The following KCNK10 variants were observed in gnomAD, a reference collection of about 807,000 sequenced individuals.
KCNK10 encodes potassium two pore domain channel subfamily K member 10, also known as potassium channel subfamily K member 10.
Under a neutral mutation model 47.7 loss-of-function variants are expected in KCNK10, and 25 were observed. The observed-to-expected ratio is 0.52, with a 90% CI of 0.38 to 0.73. The LOEUF (loss-of-function observed/expected upper bound fraction) is 0.73. Ranked by LOEUF, KCNK10 falls within the 30% of genes least tolerant of loss-of-function variation. The pLI is 0.00. For missense variants in KCNK10, 563 were observed against 714.5 expected (o/e 0.79, Z 2.42); for synonymous variants, 303 against 285.6 (o/e 1.06, Z -0.61).
In KCNK10 at chr14:88,183,462, T is replaced by C. The variant is rs1216831413; in HGVS notation, c.*2073A>G. 6.6e-6 allele frequency: 1 copy of C among 152,406 alleles called. No individual in the cohort carries two copies. The highest frequency in any genetic ancestry group is 6.5e-5 in the Admixed American group (1 of 15,294). The allele number at this position is 152,406 out of a possible 1,614,324, so 9.4% of individuals were successfully genotyped here. A position where few individuals can be genotyped will look rare whatever the true frequency, so the allele number is the denominator to read the frequency against. ...ATTAGGAAGCTTCGACTTGTTAGAATAACAGAGGAAGTCCCAGTTATCTAC... is the reference window on the plus strand; with the variant it reads ...ATTAGGAAGCTTCGACTTGTTAGAACAACAGAGGAAGTCCCAGTTATCTAC... On this transcript the variant is annotated 3_prime_UTR_variant, in exon 7 of 7. Coordinates refer to ENST00000319231, the MANE Select transcript of KCNK10 (RefSeq NM_138317.3).
At chr14:88,231,076 A>T (rs1392762253) in intron 3 of KCNK10, among the ~76,000 whole-genome samples, 1 of 152,032 alleles carries the variant, frequency 6.6e-6, no homozygotes, top group East Asian at 1.9e-4. Flanking sequence ...GGAATTTGAG[A>T]CCAGCCTGAA....
At chr14:88,318,151 G>A (rs978748584) in intron 1 of KCNK10, among the ~76,000 whole-genome samples, 1 of 152,236 alleles carries the variant, frequency 6.6e-6, no homozygotes, top group Non-Finnish European at 1.5e-5. Flanking sequence ...TTTCTGATAT[G>A]CCACTATTTG....
chr14:88,270,426 C>T (rs2139762177), intron 1 of KCNK10, among the ~76,000 whole-genome samples: 1 of 152,252 alleles, frequency 6.6e-6, no homozygotes, highest in South Asian at 2.1e-4. Context: ...ACCTTAAAGG[C>T]AATCAAGCTG....
chr14:88,199,356 G>A (rs546353508), intron 4 of KCNK10, among the ~76,000 whole-genome samples: 43 of 152,242 alleles, frequency 2.8e-4, no homozygotes, highest in Admixed American at 1.8e-3. Flanking sequence ...ATGTTCACCC[G>A]GAAGGAAGAC....
At position 88,285,116 on chromosome 14, in the gene KCNK10, G is replaced by C. The variant is rs1003542986; in HGVS notation, c.53-21565C>G. 3.3e-5 allele frequency among the ~76,000 whole-genome samples: 5 copies of C among 152,176 alleles called. No homozygotes were observed. The South Asian group carries it at 1.0e-3, about 32-fold the overall frequency. On this transcript the variant is annotated intron_variant, in intron 1 of 6. Transcript: ENST00000319231. ...GTCTTGTTTTAAATAGTGTTTGTTT[G>C]TTTGTTTGTTTTTGAGGTGGAGTCT...
At chr14:88,316,139 C>G (rs1007108775) in intron 1 of KCNK10, among the ~76,000 whole-genome samples, 5 of 152,082 alleles carry the variant, frequency 3.3e-5, no homozygotes, top group Admixed American at 6.6e-5. Flanking sequence ...CCAATGCCCA[C>G]CCCTCCCCAT....
intron 4 of KCNK10, among the ~76,000 whole-genome samples, chr14:88,225,933 G>A (rs7143996): frequency 0.28 from 42,399 of 152,046 alleles, 6,388 homozygotes; most frequent in East Asian, 0.47. Flanking sequence ...CCAGGTGCAC[G>A]GTCTAATGAG....
At chr14:88,268,609 A>G (rs147815498) in intron 1 of KCNK10, among the ~76,000 whole-genome samples, 1 of 152,328 alleles carries the variant, frequency 6.6e-6, no homozygotes, top group East Asian at 1.9e-4. Flanking sequence ...AAAAAATAGG[A>G]ACGACATTTG....
intron 4 of KCNK10, among the ~76,000 whole-genome samples, chr14:88,197,529 G>GCAC (rs1555359734): frequency 1.7e-5 from 2 of 115,536 alleles, no homozygotes; most frequent in African/African-American, 3.3e-5. Flanking sequence ...AGCCAAGATT[G>GCAC]CACCACTGCA....
intron 6 of KCNK10, among the ~76,000 whole-genome samples, chr14:88,187,620 G>T (rs1884608181): frequency 1.0e-5 from 1 of 98,334 alleles, no homozygotes; most frequent in Non-Finnish European, 2.5e-5. Context: ...GGAAGGACAG[G>T]CTGCACCCCC....
At chr14:88,251,352 A>G (rs2139904157) in intron 2 of KCNK10, among the ~76,000 whole-genome samples, 1 of 152,260 alleles carries the variant, frequency 6.6e-6, no homozygotes, top group East Asian at 1.9e-4. Context: ...TTGATAAAAG[A>G]CATAGATTCA....
At chr14:88,197,612 A>AAAAAAAAAAAAAAATT (rs1595074912) in intron 4 of KCNK10, among the ~76,000 whole-genome samples, 1 of 131,000 alleles carries the variant, frequency 7.6e-6, no homozygotes, top group African/African-American at 2.9e-5. Context: ...AAAAAAAAAA[A>AAAAAAAAAAAAAAATT]TCAACTGTTC....
rs549454772 is a variant in KCNK10 at position 88,276,433 on chromosome 14, G to A, written c.53-12882C>T. Among the ~76,000 whole-genome samples, 6 of 152,166 alleles carry A rather than the reference G, an allele frequency of 3.9e-5. No individual in the cohort carries two copies. In the South Asian group the frequency reaches 1.2e-3, roughly 32 times the overall value. On this transcript the variant is annotated intron_variant, in intron 1 of 6. Coordinates refer to ENST00000319231, the MANE Select transcript of KCNK10 (RefSeq NM_138317.3). ...ATTTCTGTTGTGCAAAAGCTACTCA[G>A]TCTATGGTATTTCATTATAGTAGCC...
chr14:88,291,335 T>C (rs1887871703), intron 1 of KCNK10, among the ~76,000 whole-genome samples: 1 of 152,192 alleles, frequency 6.6e-6, no homozygotes, highest in South Asian at 2.1e-4. Context: ...CAATGTTAAG[T>C]GAGCCCTTTC....
intron 1 of KCNK10, among the ~76,000 whole-genome samples, chr14:88,298,046 G>GT (rs2139787378): frequency 6.6e-6 from 1 of 152,262 alleles, no homozygotes; most frequent in Non-Finnish European, 1.5e-5. Flanking sequence ...GCCACCAACC[G>GT]TAAGATCTTT....
chr14:88,268,830 T>C (rs1346525834), intron 1 of KCNK10, among the ~76,000 whole-genome samples: 1 of 152,148 alleles, frequency 6.6e-6, no homozygotes, highest in East Asian at 1.9e-4. Context: ...AAAGGTAATA[T>C]CCTTTCTGCT....
chr14:88,186,189 A>T lies in KCNK10; in HGVS notation c.1012-34T>A. On this transcript the variant is annotated intron_variant, in intron 6 of 6. Coordinates refer to ENST00000319231, the MANE Select transcript of KCNK10 (RefSeq NM_138317.3). The surrounding 1 kb of genome is among the most constrained non-coding windows in gnomAD (Gnocchi z 5.5). ...GAGACAGAAGAGCAACAATATGCTG[A>T]CAAATGCCTCCCTGCCTTGGCCTCC... 2.6e-6 allele frequency: 4 copies of T among 1,539,570 alleles called. No homozygotes were observed. The highest frequency in any genetic ancestry group is 3.5e-6 in the Non-Finnish European group (4 of 1,142,268).
At position 88,222,894 on chromosome 14, in the gene KCNK10, G is replaced by A. The variant is rs559382491; in HGVS notation, c.681+4481C>T. ...AACAAATCTGGATACACCTGACATT[G>A]TGGAGCTGATAGCACAAGCCTGAGT... On this transcript the variant is annotated intron_variant, in intron 4 of 6. Coordinates refer to ENST00000319231, the MANE Select transcript of KCNK10 (RefSeq NM_138317.3). Among the ~76,000 whole-genome samples, 4 of 152,320 alleles carry A rather than the reference G, an allele frequency of 2.6e-5. No individual in the cohort carries two copies. The South Asian group carries it at 6.2e-4, about 24-fold the overall frequency.
At chr14:88,318,972 A>AAGTAAATACC (rs1888485143) in intron 1 of KCNK10, among the ~76,000 whole-genome samples, 1 of 152,236 alleles carries the variant, frequency 6.6e-6, no homozygotes, top group Non-Finnish European at 1.5e-5. Context: ...CATAAGCAGC[A>AAGTAAATACC]AGTAAATACC....
Sources: gnomAD v4.1 joint callset for allele counts (sites outside exome capture counted in the v4.1 genomes callset) on GRCh38, gnomAD v4.1.1 for gene constraint, Gnocchi (gnomAD v3.1) non-coding constraint, MANE v1.5 for transcripts, NCBI Gene and HGNC (gene_info 2026-07-23, HGNC 2026-07-21) for gene names.